VWA3B: variants seen among roughly 807,000 people sequenced by gnomAD.
The protein encoded by VWA3B is von Willebrand factor A domain-containing protein 3B.
VWA3B carries 138 observed loss-of-function variants against 158.3 expected under a neutral mutation model. The observed-to-expected ratio is 0.87, with a 90% CI of 0.76 to 1.00. The LOEUF (loss-of-function observed/expected upper bound fraction) is 1.00. Ranked by LOEUF, VWA3B falls within the 50% of genes least tolerant of loss-of-function variation. The probability of loss-of-function intolerance (pLI) is 0.00; values close to 1 mark genes in which losing one functional copy is unlikely to be tolerated. For missense variants in VWA3B, 1,555 were observed against 1,565.1 expected, an observed-to-expected ratio of 0.99 and a Z score of 0.11; for synonymous variants, 596 against 587.3, an observed-to-expected ratio of 1.01 and a Z score of -0.21.
chr2:98,290,451 T>C (rs1044801114), intron 22 of VWA3B, 60 bp from the exon 23 acceptor site: 27 of 1,267,544 alleles, frequency 2.1e-5, no homozygotes, highest in Non-Finnish European at 2.8e-5. Flanking sequence ...CCAGTATTTA[T>C]CATTTTCAGC....
At chr2:98,197,634 A>G (rs1374877137) in intron 12 of VWA3B, among the ~76,000 whole-genome samples, 1 of 151,800 alleles carries the variant, frequency 6.6e-6, no homozygotes, top group Non-Finnish European at 1.5e-5. Context: ...TTCAATGTGG[A>G]CTCATGGAAA....
chr2:98,326,843 A>G, the VWA3B span, among the ~76,000 whole-genome samples: 1 of 152,126 alleles, frequency 6.6e-6, no homozygotes, highest in African/African-American at 2.4e-5. Flanking sequence ...AAGGGGCCAG[A>G]AGTCAAGCAA....
intron 12 of VWA3B, among the ~76,000 whole-genome samples, chr2:98,195,553 C>G (rs1681970711): frequency 6.6e-6 from 1 of 151,924 alleles, no homozygotes; most frequent in South Asian, 2.1e-4. Flanking sequence ...CAGGATTAAC[C>G]AATGAAGTTA....
intron 7 of VWA3B, among the ~76,000 whole-genome samples, chr2:98,139,823 G>C (rs1010516950): frequency 2.6e-5 from 4 of 152,284 alleles, no homozygotes; most frequent in Middle Eastern, 3.4e-3. Flanking sequence ...CAGGCTGCCC[G>C]AGCCAGCAGT....
At chr2:98,130,466 A>G (rs1171481929) in intron 6 of VWA3B, among the ~76,000 whole-genome samples, 2 of 152,140 alleles carry the variant, frequency 1.3e-5, no homozygotes, top group African/African-American at 4.8e-5. Flanking sequence ...CCACGAGGCC[A>G]TATTTCAGAC....
At position 98,300,350 on chromosome 2, in the gene VWA3B, C is replaced by T. The variant is rs1690101418; in HGVS notation, c.3420+134C>T. On this transcript the variant is annotated intron_variant, in intron 25 of 27. Transcript: ENST00000477737. ...CTGCTCTCCACTCCCTGTGTTTTGG[C>T]TTCTGCCCACCGTGCCACACAGACC... 3 of 1,322,612 alleles carry T rather than the reference C, an allele frequency of 2.3e-6. No homozygotes were observed. The South Asian group carries it at 4.3e-5, about 19-fold the overall frequency. The allele number at this position is 1,322,612 out of a possible 1,614,324, so 81.9% of individuals were successfully genotyped here.
Position 98,121,300 on chromosome 2 carries a change from G to C in VWA3B, c.544G>C (p.Val182Leu), listed in dbSNP as rs367870902. The change falls in exon 5 of 28, where the codon GTT becomes CTT. Residue 182 changes from valine (V) to leucine (L), a missense_variant and splice_region_variant. Val to Leu is a conservative substitution (Grantham distance 32). Coordinates refer to ENST00000477737, the MANE Select transcript of VWA3B (RefSeq NM_144992.5). ...ACCACTCCATGTGATCCTTTTCAGG[G>C]TTTCTCAAGAGCCTGTGAAGTGGCA... Reference protein sequence around the residue: ...AHITEFNIIRVSQEPVKWQEN... With the variant: ...AHITEFNIIRLSQEPVKWQEN... The C allele has an allele frequency of 5.0e-6, 8 of 1,612,548 alleles. No individual in the cohort carries two copies. The Admixed American group carries it at 1.3e-4, about 27-fold the overall frequency.
chr2:98,294,159 G>C (rs979558230), intron 23 of VWA3B, among the ~76,000 whole-genome samples: 6 of 113,380 alleles, frequency 5.3e-5, no homozygotes, highest in Non-Finnish European at 8.2e-5. Flanking sequence ...TAGATCACCT[G>C]TTCACTGTGA....
chr2:98,101,098 G>GGCC (rs1683048167), intron 2 of VWA3B, among the ~76,000 whole-genome samples: 2 of 152,200 alleles, frequency 1.3e-5, no homozygotes, highest in Admixed American at 1.3e-4. Flanking sequence ...GGATGTGCAA[G>GGCC]TCCTTTTTGG....
chr2:98,248,823 TTTTC>T (rs55742932), intron 19 of VWA3B, among the ~76,000 whole-genome samples: 4,607 of 137,680 alleles, frequency 0.033, 135 homozygotes, highest in Middle Eastern at 0.085. Context: ...TTCTCTTTCT[TTTTC>T]TTTCTTTCTT....
chr2:98,246,909 AT>A (rs978815914), intron 19 of VWA3B, among the ~76,000 whole-genome samples: 2 of 151,676 alleles, frequency 1.3e-5, no homozygotes, highest in African/African-American at 4.9e-5. Context: ...TTAACCTCTT[AT>A]TTTTTATGCT....
intron 12 of VWA3B, among the ~76,000 whole-genome samples, chr2:98,210,506 G>A (rs1379857572): frequency 6.6e-6 from 1 of 152,204 alleles, no homozygotes; most frequent in African/African-American, 2.4e-5. Flanking sequence ...GTACTTATGT[G>A]CTTACTAAGT....
At chr2:98,178,075 G>C (rs1680161726) in intron 8 of VWA3B, among the ~76,000 whole-genome samples, 2 of 152,146 alleles carry the variant, frequency 1.3e-5, no homozygotes, top group African/African-American at 2.4e-5. Flanking sequence ...CACCCCAAGG[G>C]TTTCTCCAAG....
At chr2:98,123,359 G>C (rs1455634664) in intron 5 of VWA3B, among the ~76,000 whole-genome samples, 1 of 152,194 alleles carries the variant, frequency 6.6e-6, no homozygotes, top group African/African-American at 2.4e-5. Flanking sequence ...AAATTAACAT[G>C]CAAGTCCCGT....
At chr2:98,296,630 C>T (rs1689815413) in intron 23 of VWA3B, among the ~76,000 whole-genome samples, 1 of 152,144 alleles carries the variant, frequency 6.6e-6, no homozygotes, top group African/African-American at 2.4e-5. Flanking sequence ...GCACGTGAGC[C>T]AGGACTGGGG....
chr2:98,203,097 C>T (rs972248587), intron 12 of VWA3B, among the ~76,000 whole-genome samples: 1 of 152,200 alleles, frequency 6.6e-6, no homozygotes, highest in African/African-American at 2.4e-5. Flanking sequence ...TCCCAAAGTG[C>T]TGGGATTACA....
intron 2 of VWA3B, among the ~76,000 whole-genome samples, chr2:98,103,259 T>A (rs1377165559): frequency 6.6e-6 from 1 of 152,210 alleles, no homozygotes; most frequent in Admixed American, 6.5e-5. Context: ...TGCTGGTTTT[T>A]AAAATTCTTT....
chr2:98,281,657 A>G (rs1187969895), intron 22 of VWA3B, among the ~76,000 whole-genome samples: 1 of 152,190 alleles, frequency 6.6e-6, no homozygotes, highest in Admixed American at 6.5e-5. Flanking sequence ...CTCCACCACC[A>G]TGTCCAAGAG....
At chr2:98,266,837 G>A (rs1687868714) in intron 21 of VWA3B, among the ~76,000 whole-genome samples, 3 of 146,112 alleles carry the variant, frequency 2.1e-5, no homozygotes, top group Admixed American at 2.0e-4. Context: ...TCATGATTTG[G>A]CTCTCTGTTT....
Sources: allele counts gnomAD v4.1 joint callset (sites outside exome capture counted in the v4.1 genomes callset), GRCh38; gene constraint gnomAD v4.1.1; transcripts MANE v1.5; gene names NCBI Gene and HGNC (gene_info 2026-07-23, HGNC 2026-07-21).